Variants in PRDM15 observed in about 807,000 individuals in gnomAD.
PRDM15 encodes PR/SET domain 15.
PRDM15 carries 64 observed loss-of-function variants against 128.6 expected under a neutral mutation model. The observed-to-expected ratio is 0.50, with a 90% confidence interval of 0.41 to 0.61. PRDM15 has a LOEUF of 0.61. Ranked by LOEUF, PRDM15 falls within the 20% of genes least tolerant of loss-of-function variation. The probability of loss-of-function intolerance (pLI) is 0.00; values close to 1 mark genes in which losing one functional copy is unlikely to be tolerated. For missense variants in PRDM15, 1,242 were observed against 1,569.1 expected (o/e 0.79, Z 3.52); for synonymous variants, 615 against 621.8 (o/e 0.99, Z 0.16).
intron 1 of PRDM15, among the ~76,000 whole-genome samples, chr21:41,867,143 AACCTCACTGACTATCTGAGTTTTGC>A (rs1475193674): frequency 2.8e-5 from 4 of 142,328 alleles, no homozygotes; most frequent in African/African-American, 1.0e-4. Context: ...AAAGCCCAGA[AACCTCACTGACTATCTGAGTTTTGC>A]ACAGATTTTC....
rs377085458 is a variant in PRDM15, at chr21:41,819,726, C to G, written c.2141-25G>C. On this transcript the variant is annotated intron_variant, in intron 17 of 23. Coordinates refer to ENST00000398548, the MANE Select transcript of PRDM15 (RefSeq NM_001040424.3). ...CCTGAGAACACAGGCATCTGCCACT[C>G]AGAGCCGAGCAGCTCCGACCTGCAG... 3.2e-6 allele frequency: 5 copies of G among 1,579,974 alleles called. No homozygotes were observed. The African/African-American group carries it at 5.4e-5, about 17-fold the overall frequency.
chr21:41,844,039 A>C (rs987183554), intron 6 of PRDM15, among the ~76,000 whole-genome samples: 5 of 152,064 alleles, frequency 3.3e-5, no homozygotes, highest in African/African-American at 7.2e-5. Flanking sequence ...TTGAAAGAAG[A>C]AGCAAAAATC....
intron 18 of PRDM15, 96 bp downstream of exon 18, chr21:41,819,486 C>CGA: frequency 1.9e-6 from 1 of 519,378 alleles, no homozygotes; most frequent in Non-Finnish European, 3.0e-6. Flanking sequence ...CACCCACCTT[C>CGA]CCCACACTCC....
intron 1 of PRDM15, chr21:41,875,084 G>C (rs558526618): frequency 2.0e-5 from 3 of 152,630 alleles, no homozygotes; most frequent in Non-Finnish European, 2.9e-5. Context: ...CAGGGTCCCT[G>C]CCCAATCCCA....
At chr21:41,809,097 C>T (rs75244502) in intron 21 of PRDM15, among the ~76,000 whole-genome samples, 15 of 152,352 alleles carry the variant, frequency 9.8e-5, no homozygotes, top group Non-Finnish European at 2.1e-4. Context: ...TTTTTCACCA[C>T]GGCTGTTCTT....
At chr21:41,853,653 C>G (rs1387301474) in intron 5 of PRDM15, among the ~76,000 whole-genome samples, 1 of 152,208 alleles carries the variant, frequency 6.6e-6, no homozygotes, top group East Asian at 1.9e-4. Context: ...CAAAGTGATG[C>G]CCTGACCCCG....
intron 1 of PRDM15, among the ~76,000 whole-genome samples, chr21:41,870,075 C>T (rs1334889351): frequency 1.3e-5 from 2 of 152,204 alleles, no homozygotes; most frequent in East Asian, 1.9e-4. Flanking sequence ...TCTTTTGCAA[C>T]GTTGTTCCAG....
intron 7 of PRDM15, 68 bp downstream of exon 7, chr21:41,839,555 C>T (rs751003712): frequency 2.7e-5 from 38 of 1,408,056 alleles, no homozygotes; most frequent in African/African-American, 4.3e-5. Flanking sequence ...CCCCCTGCCC[C>T]GCCAGCCCTC....
At position 41,854,970 on chromosome 21, in the gene PRDM15, A is replaced by G; in HGVS notation, c.286-152T>C. Reference sequence around the variant, plus strand: ...CTGTACGGGATGTTGAGGTGTTTACAATAGTGAGGAGGGTCACAGGTAGAC... The same window carrying G: ...CTGTACGGGATGTTGAGGTGTTTACGATAGTGAGGAGGGTCACAGGTAGAC... On this transcript the variant is annotated intron_variant, in intron 4 of 23. Transcript: ENST00000398548. This position sits in a 1 kb window ranked among gnomAD's most constrained non-coding sequence, Gnocchi z 4.6. The G allele has an allele frequency of 1.1e-6, 1 of 887,674 alleles. No individual in the cohort carries two copies. Among genetic ancestry groups the G allele is most frequent in the Non-Finnish European group, 1.7e-6 (1 of 598,430 alleles). 55.0% of individuals were successfully genotyped at this position (887,674 alleles called of 1,614,324 possible).
At chr21:41,850,609 C>T (rs1335886016) in intron 5 of PRDM15, among the ~76,000 whole-genome samples, 1 of 152,062 alleles carries the variant, frequency 6.6e-6, no homozygotes, top group Non-Finnish European at 1.5e-5. Flanking sequence ...TGGCACATCC[C>T]TGTGGTCCCA....
intron 1 of PRDM15, chr21:41,870,594 G>C (rs1483580443): frequency 1.3e-5 from 2 of 152,250 alleles, no homozygotes; most frequent in African/African-American, 2.4e-5. Flanking sequence ...GACTAAGTCA[G>C]TTTGTGACAC....
chr21:41,848,033 C>T (rs1441232399), intron 5 of PRDM15, among the ~76,000 whole-genome samples: 4 of 152,242 alleles, frequency 2.6e-5, no homozygotes, highest in South Asian at 2.1e-4. Flanking sequence ...CTCTACACCT[C>T]GTCTGGCAGC....
At chr21:41,873,191 G>A (rs540365425) in intron 1 of PRDM15, among the ~76,000 whole-genome samples, 1 of 152,324 alleles carries the variant, frequency 6.6e-6, no homozygotes, top group African/African-American at 2.4e-5. Context: ...TCCTGCATGT[G>A]AAGCTGTTTC....
chr21:41,878,848 G>GT lies in PRDM15; in HGVS notation c.-10+421_-10+422insA, dbSNP rs1216104558. ...CGGGGGCCGCGGGGCCGCGGGCCGG[G>GT]GCGGCGAAGACCCTGCGCCGCGCCC... On this transcript the variant is annotated intron_variant, in intron 1 of 23. Coordinates refer to ENST00000398548, the MANE Select transcript of PRDM15 (RefSeq NM_001040424.3). 8.6e-5 allele frequency: 87 copies of GT among 1,009,222 alleles called. 1 individual carries two copies. The highest frequency in any genetic ancestry group is 9.8e-5 in the Non-Finnish European group (83 of 844,428). 62.5% of individuals were successfully genotyped at this position (1,009,222 alleles called of 1,614,324 possible).
rs1289024247 is a variant in PRDM15, at chr21:41,828,274, AG to A, written c.1425del (p.Ser476ProfsTer41). The A allele has an allele frequency of 6.2e-7, 1 of 1,614,044 alleles. No homozygotes were observed. Among genetic ancestry groups the A allele is most frequent in the Admixed American group, 1.7e-5 (1 of 60,022 alleles). On this transcript the variant is annotated frameshift_variant, in exon 12 of 24. Coordinates refer to ENST00000398548, the MANE Select transcript of PRDM15 (RefSeq NM_001040424.3). LOFTEE classifies it high-confidence loss of function. This position sits in a 1 kb window ranked among gnomAD's most constrained non-coding sequence, Gnocchi z 5.7. ...CFRFFSTNSN[L>X]SKHKKKHGDK... ...TCGCCGTGCTTCTTCTTGTGCTTGG[AG>A]AGGTTGCTGTTGGTGGAGAAGAATC...
rs907297846 is a variant in PRDM15 at position 41,862,982 on chromosome 21, G to A, written c.-9-2610C>T. On this transcript the variant is annotated intron_variant, in intron 1 of 23. Transcript: ENST00000398548. The surrounding 1 kb of genome is among the most constrained non-coding windows in gnomAD (Gnocchi z 4.1). Reference sequence around the variant, plus strand: ...TCAGGAGTTCGAGACCAGCCTGGCCGACATGGTGAAACCCCATCTCTACTA... The same window carrying A: ...TCAGGAGTTCGAGACCAGCCTGGCCAACATGGTGAAACCCCATCTCTACTA... Among the ~76,000 whole-genome samples, 3 of 151,824 alleles carry A rather than the reference G, an allele frequency of 2.0e-5. No individual in the cohort carries two copies. The highest frequency in any genetic ancestry group is 4.4e-5 in the Non-Finnish European group (3 of 67,942).
chr21:41,871,305 T>C (rs565079180), intron 1 of PRDM15, among the ~76,000 whole-genome samples: 1 of 152,162 alleles, frequency 6.6e-6, no homozygotes, highest in East Asian at 1.9e-4. Context: ...CCAGGAGTGT[T>C]TGGGGGACTC....
Position 41,821,069 on chromosome 21 carries a change from C to T in PRDM15, c.2058G>A (p.Gln686=). 6.2e-7 allele frequency: 1 copy of T among 1,614,232 alleles called. No homozygotes were observed. Among genetic ancestry groups the T allele is most frequent in the Non-Finnish European group, 8.5e-7 (1 of 1,180,026 alleles). Residue 686 remains glutamine, a splice_region_variant and synonymous_variant, in exon 16 of 24, where the codon CAG becomes CAA. Transcript: ENST00000398548. This position sits in a 1 kb window ranked among gnomAD's most constrained non-coding sequence, Gnocchi z 5.4. ...GGGAGCCCCCGACCAGGCCTCACTT[C>T]TGCACGTTGGGGTCCGGCAGGTTTT... ...HRENLPDPNV[Q]KYIHPCEICG...
rs899785107 is a variant in PRDM15 at position 41,861,506 on chromosome 21, T to C, written c.-9-1134A>G. The C allele has an allele frequency of 2.8e-6, 4 of 1,434,778 alleles. No individual in the cohort carries two copies. In the African/African-American group the frequency reaches 4.2e-5, roughly 15 times the overall value. The allele number at this position is 1,434,778 out of a possible 1,614,324, so 88.9% of individuals were successfully genotyped here. On this transcript the variant is annotated intron_variant, in intron 1 of 23. Transcript: ENST00000398548. ...AGCATAAAGTGAGATACACACAGTA[T>C]GTGCCACCAAATGATTATTCCTCCT...
Sources: gnomAD v4.1 joint callset for allele counts (sites outside exome capture counted in the v4.1 genomes callset) on GRCh38, gnomAD v4.1.1 for gene constraint, Gnocchi (gnomAD v3.1) non-coding constraint, MANE v1.5 for transcripts, NCBI Gene and HGNC (gene_info 2026-07-23, HGNC 2026-07-21) for gene names.